FXR1: variants seen among roughly 807,000 people sequenced by gnomAD.
FXR1 encodes the protein RNA-binding protein FXR1.
FXR1 carries 15 observed loss-of-function variants against 84.0 expected under a neutral mutation model. The observed-to-expected ratio is 0.18, with a 90% confidence interval of 0.12 to 0.27. FXR1 has a LOEUF of 0.27. Among genes scored for constraint, FXR1 ranks in the 10% least tolerant of loss-of-function variants. The probability of loss-of-function intolerance (pLI) is 1.00; values close to 1 mark genes in which losing one functional copy is unlikely to be tolerated. For synonymous variants in FXR1, 245 were observed against 250.7 expected (o/e 0.98, Z 0.21); for missense variants, 480 against 774.4 (o/e 0.62, Z 4.51).
At chr3:180,939,727 A>AT (rs1443709213) in intron 3 of FXR1, among the ~76,000 whole-genome samples, 1 of 152,206 alleles carries the variant, frequency 6.6e-6, no homozygotes, top group African/African-American at 2.4e-5. Context: ...AACCAGTTTC[A>AT]TTTTTTGTTT....
intron 15 of FXR1, among the ~76,000 whole-genome samples, chr3:180,973,783 G>T (rs1307292234): frequency 6.6e-6 from 1 of 152,046 alleles, no homozygotes; most frequent in Non-Finnish European, 1.5e-5. Flanking sequence ...GTTCCTTTGT[G>T]GTTTTAAAAG....
At chr3:180,930,317 G>T (rs1396573280) in intron 1 of FXR1, among the ~76,000 whole-genome samples, 1 of 152,012 alleles carries the variant, frequency 6.6e-6, no homozygotes. Context: ...TGTGAAAAAT[G>T]TGCACTCAAA....
chr3:180,976,181 T>C lies in FXR1; in HGVS notation c.1755T>C (p.Ser585=), dbSNP rs1577014828. The C allele has an allele frequency of 6.2e-7, 1 of 1,613,320 alleles. No individual in the cohort carries two copies. ...PSEKAINGPT[S]ASGDDISKLQ... ...AAAAGGCAATAAACGGCCCAACTAG[T>C]GCTTCTGGCGATGACATTTCTAAGC... is the stretch of plus-strand genomic sequence containing the variant. Residue 585 remains serine, a synonymous_variant, in exon 17 of 17, where the codon AGT becomes AGC. Transcript: ENST00000357559.
chr3:180,938,343 A>G (rs930689262), intron 3 of FXR1, among the ~76,000 whole-genome samples: 2 of 152,182 alleles, frequency 1.3e-5, no homozygotes, highest in African/African-American at 4.8e-5. Flanking sequence ...ACTGTATTAT[A>G]TTGTTCATAT....
At chr3:180,914,902 T>C in intron 1 of FXR1, 1 of 983,700 alleles carries the variant, frequency 1.0e-6, no homozygotes, top group Non-Finnish European at 1.2e-6. Flanking sequence ...GCATATGCAC[T>C]TTGTGGAAAC....
intron 2 of FXR1, among the ~76,000 whole-genome samples, chr3:180,933,977 G>GT (rs1246882804): frequency 7.1e-6 from 1 of 141,108 alleles, no homozygotes; most frequent in Non-Finnish European, 1.6e-5. Flanking sequence ...GCTAGTCATG[G>GT]TGGGGGGGCG....
chr3:180,946,274 A>G (rs551305006), intron 3 of FXR1, among the ~76,000 whole-genome samples: 1 of 152,332 alleles, frequency 6.6e-6, no homozygotes, highest in African/African-American at 2.4e-5. Flanking sequence ...TGATGCCATC[A>G]TTCCTCTGTT....
intron 1 of FXR1, among the ~76,000 whole-genome samples, chr3:180,924,154 T>G (rs1336990968): frequency 6.6e-6 from 1 of 152,168 alleles, no homozygotes; most frequent in Non-Finnish European, 1.5e-5. Flanking sequence ...AGATAGGGTT[T>G]CGCCATGTTG....
In FXR1 at chr3:180,975,366, C is replaced by A; in HGVS notation, c.1657C>A (p.Leu553Ile). The change falls in exon 16 of 17, where the codon CTC (leucine) becomes ATC (isoleucine). Residue 553 changes from leucine (L) to isoleucine (I), a missense_variant. Physicochemically the swap from Leu to Ile is conservative, Grantham distance 5 (BLOSUM62 2). Transcript: ENST00000357559. Reference sequence around the variant, plus strand: ...TGAGTCTCAGAGCAGACAAAGAAACCTCCCAAGGGAAACTTTGGCTAAAAA... The same window carrying A: ...TGAGTCTCAGAGCAGACAAAGAAACATCCCAAGGGAAACTTTGGCTAAAAA... ...RAESQSRQRN[L>I]PRETLAKNKK... 1 of 1,537,382 alleles carries A rather than the reference C, an allele frequency of 6.5e-7. No homozygotes were observed. Among genetic ancestry groups the A allele is most frequent in the Non-Finnish European group, 8.9e-7 (1 of 1,119,838 alleles).
intron 1 of FXR1, among the ~76,000 whole-genome samples, chr3:180,931,983 C>T (rs1436205981): frequency 2.2e-5 from 3 of 138,268 alleles, no homozygotes; most frequent in Non-Finnish European, 3.0e-5. Context: ...TCAAGGTGTC[C>T]GCCTTTCTTG....
rs764353653 is a variant in FXR1, at chr3:180,976,174, C to T, written c.1748C>T (p.Pro583Leu). 1.2e-6 allele frequency: 2 copies of T among 1,612,904 alleles called. No individual in the cohort carries two copies. Among genetic ancestry groups the T allele is most frequent in the South Asian group, 1.1e-5 (1 of 91,002 alleles). ...HGPSEKAING[P>L]TSASGDDISK... ...CCTTCAGAAAAGGCAATAAACGGCC[C>T]AACTAGTGCTTCTGGCGATGACATT... is the stretch of plus-strand genomic sequence containing the variant. The change falls in exon 17 of 17, where the codon CCA becomes CTA. Residue 583 changes from proline (P) to leucine (L), a missense_variant. Pro to Leu is a moderately conservative substitution (Grantham distance 98). Around this residue, in one of 6 missense-constraint regions of FXR1, gnomAD observed 94 missense variants for 81.8 expected, o/e 1.15. Coordinates refer to ENST00000357559, the MANE Select transcript of FXR1 (RefSeq NM_005087.4).
At chr3:180,932,891 A>G (rs1350517794) in intron 1 of FXR1, 1 of 153,956 alleles carries the variant, frequency 6.5e-6, no homozygotes, top group East Asian at 1.9e-4. Context: ...TAAATTTTTC[A>G]TTAGGTGGAT....
At chr3:180,965,350 A>T (rs1383472238) in intron 13 of FXR1, among the ~76,000 whole-genome samples, 2 of 152,142 alleles carry the variant, frequency 1.3e-5, no homozygotes, top group Admixed American at 6.5e-5. Context: ...TAAAAAAACG[A>T]CTTTGAATCA....
intron 1 of FXR1, among the ~76,000 whole-genome samples, chr3:180,917,516 G>A (rs893353483): frequency 1.3e-5 from 2 of 152,124 alleles, no homozygotes; most frequent in African/African-American, 4.8e-5. Flanking sequence ...AAAATGCTAA[G>A]TAATGAAGAT....
rs1241296653 is a variant in FXR1 at position 180,981,700 on chromosome 3, A to G, written c.*5408A>G. On this transcript the variant is annotated 3_prime_UTR_variant, in exon 17 of 17. Coordinates refer to ENST00000357559, the MANE Select transcript of FXR1 (RefSeq NM_005087.4). ...ACACCAAGGACCTAATTTTAGTTTC[A>G]CTAGCCGTGGGACCTTAGAAAAAAG... The G allele has an allele frequency of 6.6e-6, 1 of 152,114 alleles. No individual in the cohort carries two copies. Among genetic ancestry groups the G allele is most frequent in the African/African-American group, 2.4e-5 (1 of 41,450 alleles). 9.4% of individuals were successfully genotyped at this position (152,114 alleles called of 1,614,324 possible).
chr3:180,915,451 C>T (rs1717771205), intron 1 of FXR1: 16 of 1,279,944 alleles, frequency 1.3e-5, no homozygotes, highest in East Asian at 2.5e-5. Context: ...GTTTTGAGTC[C>T]GGCTTCCATT....
chr3:180,913,516 TTTG>T (rs1717500681), intron 1 of FXR1, among the ~76,000 whole-genome samples: 1 of 152,130 alleles, frequency 6.6e-6, no homozygotes, highest in African/African-American at 2.4e-5. Flanking sequence ...GAGGTTTTGT[TTTG>T]TTTTGTTTTT....
intron 1 of FXR1, among the ~76,000 whole-genome samples, chr3:180,925,548 C>T (rs1393274197): frequency 6.6e-6 from 1 of 152,112 alleles, no homozygotes; most frequent in Non-Finnish European, 1.5e-5. Context: ...CTGAAATGCT[C>T]AGGGGTTACC....
chr3:180,958,645 C>A (rs114962768), intron 10 of FXR1, among the ~76,000 whole-genome samples: 3 of 152,130 alleles, frequency 2.0e-5, no homozygotes, highest in African/African-American at 7.2e-5. Context: ...TTGATGGGCA[C>A]TGAGGTTGGT....
Sources: allele counts gnomAD v4.1 joint callset (sites outside exome capture counted in the v4.1 genomes callset), GRCh38; gene constraint gnomAD v4.1.1; regional missense constraint gnomAD v4.1.1; transcripts MANE v1.5; gene names NCBI Gene and HGNC (gene_info 2026-07-23, HGNC 2026-07-21).